Variants in ITGA9 observed in about 807,000 individuals in gnomAD.
The protein encoded by ITGA9 is integrin subunit alpha 9.
ITGA9 carries 56 observed loss-of-function variants against 127.8 expected under a neutral mutation model. The observed-to-expected ratio is 0.44, with a 90% CI of 0.35 to 0.55. The LOEUF is 0.55. Among genes scored for constraint, ITGA9 ranks in the 20% least tolerant of loss-of-function variants. The probability of loss-of-function intolerance (pLI) is 0.00; values close to 1 mark genes in which losing one functional copy is unlikely to be tolerated. For synonymous variants in ITGA9, 508 were observed against 514.5 expected, an observed-to-expected ratio of 0.99 and a Z score of 0.17; for missense variants, 1,196 against 1,347.1, an observed-to-expected ratio of 0.89 and a Z score of 1.76.
At chr3:37,557,752 AT>A (rs1246149359) in intron 15 of ITGA9, among the ~76,000 whole-genome samples, 1 of 152,228 alleles carries the variant, frequency 6.6e-6, no homozygotes, top group Non-Finnish European at 1.5e-5. Flanking sequence ...ATACAATTAC[AT>A]ATGTTAATAT....
rs181487478 is a variant in ITGA9 at position 37,576,307 on chromosome 3, C to T, written c.1689+33722C>T. On this transcript the variant is annotated intron_variant, in intron 15 of 27. Coordinates refer to ENST00000264741, the MANE Select transcript of ITGA9 (RefSeq NM_002207.3). ...GGAGCAGCCTTTTAACAGAAACACG[C>T]GTAACTTTCCTGCAGATGCACTTCC... Among the ~76,000 whole-genome samples, 8 of 152,248 alleles carry T rather than the reference C, an allele frequency of 5.3e-5. No individual in the cohort carries two copies. The East Asian group carries it at 9.6e-4, about 18-fold the overall frequency.
intron 17 of ITGA9, among the ~76,000 whole-genome samples, chr3:37,678,095 T>C (rs538575596): frequency 2.6e-5 from 4 of 152,348 alleles, no homozygotes; most frequent in African/African-American, 9.6e-5. Flanking sequence ...TTGGGTTGTG[T>C]CTACCCTTGG....
intron 18 of ITGA9, among the ~76,000 whole-genome samples, chr3:37,707,198 A>T (rs1044793757): frequency 2.6e-5 from 2 of 77,752 alleles, no homozygotes; most frequent in South Asian, 1.3e-3. Context: ...TGAAATTTTT[A>T]AAAAATTTCT....
intron 21 of ITGA9, among the ~76,000 whole-genome samples, chr3:37,742,828 A>G (rs1696454753): frequency 6.6e-6 from 1 of 152,196 alleles, no homozygotes; most frequent in Non-Finnish European, 1.5e-5. Flanking sequence ...ATTTTTGGTC[A>G]TGTTTTTTAA....
chr3:37,779,174 G>A (rs1327069899), intron 24 of ITGA9, among the ~76,000 whole-genome samples: 3 of 151,924 alleles, frequency 2.0e-5, no homozygotes, highest in Non-Finnish European at 4.4e-5. Flanking sequence ...GCATGATCTC[G>A]GCTCACTGCA....
At chr3:37,554,178 G>T (rs1298127275) in intron 15 of ITGA9, among the ~76,000 whole-genome samples, 3 of 152,138 alleles carry the variant, frequency 2.0e-5, no homozygotes, top group African/African-American at 7.2e-5. Flanking sequence ...TGGAAAAAAA[G>T]AAAGAAAATA....
chr3:37,734,212 G>T (rs1696331098), intron 19 of ITGA9, among the ~76,000 whole-genome samples: 1 of 152,216 alleles, frequency 6.6e-6, no homozygotes, highest in African/African-American at 2.4e-5. Flanking sequence ...TTGGAAAATG[G>T]ATTACATGTG....
chr3:37,570,372 C>T (rs1040156704), intron 15 of ITGA9, among the ~76,000 whole-genome samples: 1 of 152,186 alleles, frequency 6.6e-6, no homozygotes, highest in African/African-American at 2.4e-5. Flanking sequence ...TCGTTAACTG[C>T]AAAGAGGAGT....
chr3:37,706,940 T>C (rs1701012151), intron 18 of ITGA9, among the ~76,000 whole-genome samples: 1 of 152,130 alleles, frequency 6.6e-6, no homozygotes, highest in Admixed American at 6.6e-5. Flanking sequence ...GATGAAGAAG[T>C]AAAAGTTTGT....
intron 18 of ITGA9, among the ~76,000 whole-genome samples, chr3:37,686,539 G>A (rs2212031): frequency 6.6e-6 from 1 of 152,150 alleles, no homozygotes; most frequent in South Asian, 2.1e-4. Flanking sequence ...CAAGCCATTG[G>A]CCACTGTAGC....
Position 37,741,838 on chromosome 3 carries a change from G to T in ITGA9, c.2324+19G>T. 2 of 1,595,238 alleles carry T rather than the reference G, an allele frequency of 1.3e-6. No homozygotes were observed. Among genetic ancestry groups the T allele is most frequent in the Non-Finnish European group, 1.7e-6 (2 of 1,164,978 alleles). On this transcript the variant is annotated intron_variant, in intron 21 of 27. Coordinates refer to ENST00000264741, the MANE Select transcript of ITGA9 (RefSeq NM_002207.3). ...TCACCGGGTGAGTAGCCTGGTCCTG[G>T]GTTGCCACAACACAGGAGTGCCCTC...
At chr3:37,607,043 A>G (rs920596603) in intron 15 of ITGA9, among the ~76,000 whole-genome samples, 2 of 144,094 alleles carry the variant, frequency 1.4e-5, no homozygotes, top group African/African-American at 5.2e-5. Flanking sequence ...GGTGCAATAG[A>G]GTGATCATAG....
chr3:37,748,729 C>T (rs1211466425), intron 22 of ITGA9: 1 of 549,056 alleles, frequency 1.8e-6, no homozygotes, highest in African/African-American at 2.2e-5. Context: ...GCCTGGGCGA[C>T]AGAGCAAGAC....
intron 2 of ITGA9, among the ~76,000 whole-genome samples, chr3:37,472,699 A>G (rs1698446317): frequency 6.6e-6 from 1 of 152,162 alleles, no homozygotes; most frequent in Admixed American, 6.5e-5. Context: ...CCTGGCCAAG[A>G]TCTTCTAATT....
chr3:37,664,971 C>CT (rs34608197), intron 17 of ITGA9, among the ~76,000 whole-genome samples: 3,202 of 122,504 alleles, frequency 0.026, 123 homozygotes, highest in African/African-American at 0.075. Flanking sequence ...GAGTAGCTGG[C>CT]TTTTTTTTTT....
chr3:37,489,227 A>G (rs1698641823), intron 4 of ITGA9, among the ~76,000 whole-genome samples: 1 of 152,220 alleles, frequency 6.6e-6, no homozygotes, highest in Admixed American at 6.5e-5. Flanking sequence ...TTATCTATTC[A>G]TCTGTTTATA....
chr3:37,520,024 C>A lies in ITGA9; in HGVS notation c.1236+670C>A, dbSNP rs115718010. 6.6e-3 allele frequency among the ~76,000 whole-genome samples: 1,011 copies of A among 152,334 alleles called. 8 individuals are homozygous for A. Among genetic ancestry groups the A allele is most frequent in the African/African-American group, 0.023 (967 of 41,558 alleles). ...AGTGGGTCAGAGACAGAAGGGGACA[C>A]ACATTGAGAAATTTCCAATCAACAA... On this transcript the variant is annotated intron_variant, in intron 11 of 27. Transcript: ENST00000264741.
intron 18 of ITGA9, among the ~76,000 whole-genome samples, chr3:37,718,760 A>C (rs115484173): frequency 0.019 from 2,831 of 152,280 alleles, 82 homozygotes; most frequent in African/African-American, 0.064. Context: ...GCTTTCAGCA[A>C]ATGCATGCCG....
intron 5 of ITGA9, among the ~76,000 whole-genome samples, chr3:37,501,318 C>T (rs1698784944): frequency 6.6e-6 from 1 of 152,034 alleles, no homozygotes; most frequent in African/African-American, 2.4e-5. Flanking sequence ...ATGGGAGCTT[C>T]GTCTTAATGC....
Sources: allele counts gnomAD v4.1 joint callset (sites outside exome capture counted in the v4.1 genomes callset), GRCh38; gene constraint gnomAD v4.1.1; transcripts MANE v1.5; gene names NCBI Gene and HGNC (gene_info 2026-07-23, HGNC 2026-07-21).